USP9X: variants seen among roughly 807,000 people sequenced by gnomAD.
USP9X encodes ubiquitin specific peptidase 9 X-linked.
USP9X carries 7 observed loss-of-function variants against 190.3 expected under a neutral mutation model. The ratio of observed to expected loss-of-function variants is 0.04; its 90% CI spans 0.02 to 0.07. The LOEUF (loss-of-function observed/expected upper bound fraction) is 0.07, where lower values mean the gene tolerates loss of function less well. USP9X is among the 10% of genes least tolerant of loss of function. The pLI, the probability that USP9X is intolerant of heterozygous loss-of-function variation, is 1.00. For missense variants in USP9X, 1,010 were observed against 1,916.9 expected, an observed-to-expected ratio of 0.53 and a Z score of 8.83; for synonymous variants, 645 against 659.5, an observed-to-expected ratio of 0.98 and a Z score of 0.34.
At chrX:41,107,200 G>A (rs1215479227) in intron 1 of USP9X, among the ~76,000 whole-genome samples, 3 of 108,490 alleles carry the variant, frequency 2.8e-5, no homozygotes, top group African/African-American at 1.0e-4. Context: ...TGTATTTTTA[G>A]TAAGGATGAG....
chrX:41,222,567 C>T (rs1424083667), intron 38 of USP9X, among the ~76,000 whole-genome samples: 1 of 111,430 alleles, frequency 9.0e-6, no homozygotes, highest in Non-Finnish European at 1.9e-5. Flanking sequence ...TTGTTTTCAT[C>T]CTCCTTACAA....
chrX:41,186,033 A>G (rs906916062), intron 23 of USP9X, among the ~76,000 whole-genome samples: 2 of 111,702 alleles, frequency 1.8e-5, no homozygotes, highest in Admixed American at 9.5e-5. Flanking sequence ...TGATTTAACA[A>G]CTTGATTATA....
chrX:41,180,077 CATA>C (rs1013279771), intron 21 of USP9X, among the ~76,000 whole-genome samples: 1 of 111,695 alleles, frequency 9.0e-6, no homozygotes, highest in Non-Finnish European at 1.9e-5. Context: ...ATTTAGTTGA[CATA>C]ATTTTTAAAG....
Position 41,229,663 on chromosome X carries a change from TACA to T in USP9X, c.7320_7322del (p.Asn2441del). The T allele has an allele frequency of 8.3e-7, 1 of 1,211,679 alleles. No homozygotes were observed. The highest frequency in any genetic ancestry group is 1.1e-6 in the Non-Finnish European group (1 of 895,528). ...ATATACTGGCAATCCTCAGTACACT[TACA>T]ACAATTGGTCTCCCCCAGTGCAAAG... On this transcript the variant is annotated inframe_deletion, in exon 43 of 45. Coordinates refer to ENST00000378308, the MANE Select transcript of USP9X (RefSeq NM_001039591.3).
rs1015946902 is a variant in USP9X, at chrX:41,207,756, C to T, written c.5015+2263C>T. Reference sequence around the variant, plus strand: ...CGAAGGGTCACCTGATACTCTGATCCGCCTTCCCTTCTTCTGACAAAGCAG... The same window carrying T: ...CGAAGGGTCACCTGATACTCTGATCTGCCTTCCCTTCTTCTGACAAAGCAG... On this transcript the variant is annotated intron_variant, in intron 32 of 44. Transcript: ENST00000378308. Among the ~76,000 whole-genome samples, 24 of 111,017 alleles carry T rather than the reference C, an allele frequency of 2.2e-4. 1 individual carries two copies. Among genetic ancestry groups the T allele is most frequent in the Admixed American group, 1.1e-3 (11 of 10,431 alleles).
rs1281419119 is a variant in USP9X at position 41,141,203 on chromosome X, A to G, written c.1008A>G (p.Leu336=). ...TTAAAAACTTAGAAATATTTAGGTT[A>G]AAAATGATACTTAGGTAAGATACTT... ...ETVKNLEIFR[L]KMILRLLQIS... The change falls in exon 8 of 45, where the codon TTA becomes TTG. Residue 336 remains leucine (L), a synonymous_variant. Transcript: ENST00000378308. 8.4e-7 allele frequency: 1 copy of G among 1,192,154 alleles called. No individual in the cohort carries two copies. The highest frequency in any genetic ancestry group is 2.3e-5 in the Admixed American group (1 of 43,295).
chrX:41,220,792 TA>T (rs2063255085), intron 38 of USP9X, among the ~76,000 whole-genome samples: 1 of 101,634 alleles, frequency 9.8e-6, no homozygotes, highest in African/African-American at 3.7e-5. Context: ...CATCTCTACT[TA>T]AAAATACAAA....
Position 41,209,437 on chromosome X carries a change from A to G in USP9X, c.5016-1072A>G, listed in dbSNP as rs114713105. ...GTTAAATGTTGAGGGGGTGGGGGCAATAAAACTACATAATTGATGTTTTGT... is the reference window on the plus strand; with the variant it reads ...GTTAAATGTTGAGGGGGTGGGGGCAGTAAAACTACATAATTGATGTTTTGT... On this transcript the variant is annotated intron_variant, in intron 32 of 44. Transcript: ENST00000378308. Among the ~76,000 whole-genome samples, 529 of 111,616 alleles carry G rather than the reference A, an allele frequency of 4.7e-3. 3 individuals carry two copies. Among genetic ancestry groups the G allele is most frequent in the African/African-American group, 0.016 (486 of 30,758 alleles).
intron 37 of USP9X, 49 bp downstream of exon 37, chrX:41,218,646 T>G (rs1473849523): frequency 1.8e-6 from 2 of 1,133,725 alleles, no homozygotes; most frequent in Admixed American, 4.5e-5. Flanking sequence ...ACAAATAAAT[T>G]GTGTTTCCTG....
In USP9X at chrX:41,085,471, G is replaced by A. The variant is rs1301509371; in HGVS notation, c.-797G>A. On this transcript the variant is annotated 5_prime_UTR_variant, in exon 1 of 45. Coordinates refer to ENST00000378308, the MANE Select transcript of USP9X (RefSeq NM_001039591.3). ...TTTGCCGGATCCGCCATATTGACGA[G>A]GACGGGCATCCGCGGCTGCGGACGC... 1.9e-5 allele frequency among the ~76,000 whole-genome samples: 2 copies of A among 106,543 alleles called. No individual in the cohort carries two copies. Among genetic ancestry groups the A allele is most frequent in the African/African-American group, 6.8e-5 (2 of 29,385 alleles). 92.5% of individuals were successfully genotyped at this position (106,543 alleles called of 115,157 possible). A position where few individuals can be genotyped will look rare whatever the true frequency, so the allele number is the denominator to read the frequency against.
At position 41,223,434 on chromosome X, in the gene USP9X, TTTTG is replaced by T. The variant is rs758415998; in HGVS notation, c.6751+48_6751+51del. ...TTGAATGCTCCATTCTTTACACTAGTTTTGTTTGTTTGTTTGTTTTGAGACAGAG... is the reference window on the plus strand; with the variant it reads ...TTGAATGCTCCATTCTTTACACTAGTTTTGTTTGTTTGTTTTGAGACAGAG... On this transcript the variant is annotated intron_variant, in intron 39 of 44. Transcript: ENST00000378308. 161 of 1,186,410 alleles carry T rather than the reference TTTTG, an allele frequency of 1.4e-4. No homozygotes were observed. In the African/African-American group the frequency reaches 1.5e-3, roughly 11 times the overall value.
intron 2 of USP9X, among the ~76,000 whole-genome samples, chrX:41,127,225 G>A (rs976897263): frequency 7.2e-5 from 8 of 111,502 alleles, no homozygotes; most frequent in Non-Finnish European, 1.3e-4. Context: ...AATACTAAAC[G>A]TCCCCTTAAT....
At chrX:41,126,823 G>A (rs1432261982) in intron 2 of USP9X, among the ~76,000 whole-genome samples, 1 of 111,436 alleles carries the variant, frequency 9.0e-6, no homozygotes, top group African/African-American at 3.3e-5. Flanking sequence ...TCAATTTAGG[G>A]CTCGCTTTTT....
chrX:41,094,767 G>A (rs918441169), intron 1 of USP9X, among the ~76,000 whole-genome samples: 2 of 110,003 alleles, frequency 1.8e-5, no homozygotes, highest in Non-Finnish European at 3.8e-5. Flanking sequence ...GGCCAGGCGC[G>A]GTGGCTCACC....
chrX:41,230,420 A>G, intron 43 of USP9X, 81 bp from the exon 44 acceptor site: 1 of 967,558 alleles, frequency 1.0e-6, no homozygotes, highest in Non-Finnish European at 1.4e-6. Flanking sequence ...TAGATTTTTA[A>G]AATTTATTTC....
At chrX:41,220,095 C>T (rs1283942950) in intron 38 of USP9X, among the ~76,000 whole-genome samples, 1 of 112,016 alleles carries the variant, frequency 8.9e-6, no homozygotes, top group Non-Finnish European at 1.9e-5. Context: ...CCATTGGATC[C>T]ATGGCCCTTT....
rs114260629 is a variant in USP9X, at chrX:41,100,111, A to G, written c.-159+14002A>G. The stretch of plus-strand genomic sequence containing the variant: ...TTCAGTATATCCCATTCTAATTTAG[A>G]TGTTTTTTTCCTTGGTGCTCATATT... On this transcript the variant is annotated intron_variant, in intron 1 of 44. Coordinates refer to ENST00000378308, the MANE Select transcript of USP9X (RefSeq NM_001039591.3). 5.1e-3 allele frequency among the ~76,000 whole-genome samples: 572 copies of G among 111,835 alleles called. 3 individuals carry two copies. Among genetic ancestry groups the G allele is most frequent in the African/African-American group, 0.017 (524 of 30,800 alleles).
intron 12 of USP9X, 146 bp from the exon 13 acceptor site, chrX:41,150,770 TTTAAA>T: frequency 1.7e-6 from 1 of 593,027 alleles, no homozygotes; most frequent in African/African-American, 2.3e-5. Context: ...GCTTTTATTA[TTTAAA>T]TTAAACTCTT....
rs1275102025 is a variant in USP9X at position 41,157,362 on chromosome X, A to C, written c.1897+4281A>C. 9.9e-5 allele frequency among the ~76,000 whole-genome samples: 11 copies of C among 111,130 alleles called. 1 individual carries two copies. In the Admixed American group the frequency reaches 1.1e-3, roughly 11 times the overall value. ...TGTGATAGCAGCCTCCAAGCCACACAGACATGCAGTGGTAAAGGGTAAAAA... is the reference window on the plus strand; with the variant it reads ...TGTGATAGCAGCCTCCAAGCCACACCGACATGCAGTGGTAAAGGGTAAAAA... On this transcript the variant is annotated intron_variant, in intron 14 of 44. Coordinates refer to ENST00000378308, the MANE Select transcript of USP9X (RefSeq NM_001039591.3).
Sources: allele counts gnomAD v4.1 joint callset (sites outside exome capture counted in the v4.1 genomes callset), GRCh38; gene constraint gnomAD v4.1.1; transcripts MANE v1.5; gene names NCBI Gene and HGNC (gene_info 2026-07-23, HGNC 2026-07-21).